The following BAZ2B variants were observed in gnomAD, a reference collection of about 807,000 sequenced individuals.
The protein encoded by BAZ2B is bromodomain adjacent to zinc finger domain protein 2B.
A neutral mutation model predicts 246.0 loss-of-function variants in BAZ2B; 91 were observed. That is an observed-to-expected ratio of 0.37 (90% CI 0.31 to 0.44). The LOEUF is 0.44. BAZ2B is among the 20% of genes least tolerant of loss of function. The probability of loss-of-function intolerance (pLI) is 1.00; values close to 1 mark genes in which losing one functional copy is unlikely to be tolerated. For synonymous variants in BAZ2B, 855 were observed against 860.0 expected, an observed-to-expected ratio of 0.99 and a Z score of 0.10; for missense variants, 2,332 against 2,533.7, an observed-to-expected ratio of 0.92 and a Z score of 1.71.
the BAZ2B span, among the ~76,000 whole-genome samples, chr2:159,695,701 T>C: frequency 6.6e-6 from 1 of 152,282 alleles, no homozygotes; most frequent in African/African-American, 2.4e-5. Flanking sequence ...AATATAAGGG[T>C]CTAGTTATAA....
chr2:159,439,432 T>C (rs571262373), intron 6 of BAZ2B, among the ~76,000 whole-genome samples: 13 of 152,376 alleles, frequency 8.5e-5, no homozygotes, highest in Admixed American at 4.6e-4. Context: ...TCATGTAGAA[T>C]ATTGAAAATA....
intron 2 of BAZ2B, among the ~76,000 whole-genome samples, chr2:159,544,714 C>T (rs986107379): frequency 1.3e-4 from 20 of 152,112 alleles, no homozygotes; most frequent in African/African-American, 4.8e-4. Flanking sequence ...GACTACAAGA[C>T]CTCTTTGAAG....
At chr2:159,618,948 G>A (rs968804287), upstream of BAZ2B, among the ~76,000 whole-genome samples, 2 of 151,998 alleles carry the variant, frequency 1.3e-5, no homozygotes, top group African/African-American at 4.8e-5. Flanking sequence ...TTGAAATATT[G>A]GGATTGCAGA....
chr2:159,538,519 C>A (rs1263999818), intron 2 of BAZ2B, among the ~76,000 whole-genome samples: 1 of 152,098 alleles, frequency 6.6e-6, no homozygotes, highest in East Asian at 1.9e-4. Context: ...GTCATGTTGC[C>A]CATTCCAGTT....
intron 25 of BAZ2B, among the ~76,000 whole-genome samples, chr2:159,375,045 G>A (rs143803451): frequency 1.7e-4 from 26 of 152,162 alleles, no homozygotes; most frequent in African/African-American, 5.8e-4. Context: ...GTCAGACCCA[G>A]TATCTACGAA....
intron 27 of BAZ2B, among the ~76,000 whole-genome samples, chr2:159,354,049 T>C (rs886250612): frequency 2.6e-5 from 4 of 152,196 alleles, no homozygotes; most frequent in African/African-American, 9.6e-5. Context: ...GTTAGGGACA[T>C]GTGAAAATAG....
chr2:159,477,534 TG>T (rs1185980605), intron 3 of BAZ2B, among the ~76,000 whole-genome samples: 3 of 152,004 alleles, frequency 2.0e-5, no homozygotes, highest in African/African-American at 7.2e-5. Flanking sequence ...TAAGGTATTT[TG>T]TAAGCAAATA....
chr2:159,674,490 C>T, the BAZ2B span, among the ~76,000 whole-genome samples: 8 of 150,724 alleles, frequency 5.3e-5, no homozygotes, highest in Non-Finnish European at 1.0e-4. Flanking sequence ...TGAGGTGGGC[C>T]GATCACTTCA....
chr2:159,543,833 C>T (rs2086959339), intron 2 of BAZ2B, among the ~76,000 whole-genome samples: 1 of 152,198 alleles, frequency 6.6e-6, no homozygotes, highest in South Asian at 2.1e-4. Context: ...CGCGCCTGGC[C>T]AACAATTCTT....
At position 159,428,433 on chromosome 2, in the gene BAZ2B, A is replaced by C; in HGVS notation, c.2256-14T>G. ...TCTCTCTGCCAGCTACACATAACAG[A>C]AATGAAGGTTATGACATACTTAATT... is the stretch of plus-strand genomic sequence containing the variant. On this transcript the variant is annotated splice_polypyrimidine_tract_variant and intron_variant, in intron 11 of 36. Transcript: ENST00000392783. The C allele has an allele frequency of 1.3e-6, 2 of 1,588,058 alleles. No homozygotes were observed. The highest frequency in any genetic ancestry group is 1.7e-6 in the Non-Finnish European group (2 of 1,159,052).
chr2:159,395,912 AAAAC>A (rs1393067801), intron 19 of BAZ2B, 78 bp from the exon 20 acceptor site: 1 of 1,296,236 alleles, frequency 7.7e-7, no homozygotes, highest in Non-Finnish European at 1.1e-6. Context: ...AACAAAAACA[AAAAC>A]AAAACAAAAA....
At chr2:159,332,940 G>A in intron 33 of BAZ2B, 1 of 429,868 alleles carries the variant, frequency 2.3e-6, no homozygotes, top group Non-Finnish European at 4.2e-6. Context: ...AGAATGCCTT[G>A]CACACACTTC....
the BAZ2B span, among the ~76,000 whole-genome samples, chr2:159,661,492 T>C: frequency 2.0e-5 from 3 of 152,350 alleles, no homozygotes; most frequent in African/African-American, 4.8e-5. Context: ...GGTTGGGTTT[T>C]GTTTAGCTTT....
intron 27 of BAZ2B, among the ~76,000 whole-genome samples, chr2:159,371,616 C>T (rs2060858317): frequency 1.3e-5 from 2 of 152,170 alleles, no homozygotes; most frequent in African/African-American, 4.8e-5. Flanking sequence ...AGCTGGGTTA[C>T]TGTAACGGTT....
the BAZ2B span, among the ~76,000 whole-genome samples, chr2:159,672,745 T>TTC: frequency 3.3e-5 from 5 of 152,160 alleles, no homozygotes; most frequent in African/African-American, 1.2e-4. Context: ...AAAGGGGTTA[T>TTC]CTCAGAAGAC....
At chr2:159,407,998 AGAT>A (rs1281422997) in intron 14 of BAZ2B, among the ~76,000 whole-genome samples, 1 of 152,220 alleles carries the variant, frequency 6.6e-6, no homozygotes, top group Non-Finnish European at 1.5e-5. Flanking sequence ...TGAAATGTAA[AGAT>A]GTGCTGATAA....
rs1414108464 is a variant in BAZ2B, at chr2:159,385,207, A to C, written c.3634T>G (p.Ser1212Ala). Residue 1212 changes from serine (S) to alanine (A), a missense_variant, in exon 23 of 37, where the codon TCA becomes GCA. By Grantham distance (99) the Ser-to-Ala change is moderately conservative. Around this residue, in one of 9 missense-constraint regions of BAZ2B, gnomAD observed 328 missense variants for 410.4 expected, o/e 0.80. Coordinates refer to ENST00000392783, the MANE Select transcript of BAZ2B (RefSeq NM_013450.4). ...FQAHTPAQKA[S>A]VLAFLINELA... Reference sequence around the variant, plus strand: ...TCATTGATCAGGAAAGCCAGGACTGAAGCTTTCTGTGCTGGAGTGTGAGCC... The same window carrying C: ...TCATTGATCAGGAAAGCCAGGACTGCAGCTTTCTGTGCTGGAGTGTGAGCC... The C allele has an allele frequency of 1.2e-6, 2 of 1,613,626 alleles. No homozygotes were observed. Among genetic ancestry groups the C allele is most frequent in the Non-Finnish European group, 1.7e-6 (2 of 1,179,670 alleles).
intron 4 of BAZ2B, among the ~76,000 whole-genome samples, chr2:159,452,811 A>C (rs1331153824): frequency 6.6e-6 from 1 of 152,222 alleles, no homozygotes; most frequent in East Asian, 1.9e-4. Context: ...TCAAATACAG[A>C]AAAATAGGCT....
At chr2:159,400,488 A>G (rs1438584197) in intron 17 of BAZ2B, 111 bp downstream of exon 17, 13 of 665,366 alleles carry the variant, frequency 2.0e-5, no homozygotes, top group Non-Finnish European at 3.1e-5. Context: ...TTTAAAGAGA[A>G]TATCTGACAA....
Sources: gnomAD v4.1 joint callset for allele counts (sites outside exome capture counted in the v4.1 genomes callset) on GRCh38, gnomAD v4.1.1 for gene constraint, gnomAD v4.1.1 regional missense constraint, MANE v1.5 for transcripts, NCBI Gene and HGNC (gene_info 2026-07-23, HGNC 2026-07-21) for gene names.